PER3: variants seen among roughly 807,000 people sequenced by gnomAD.
PER3 encodes the protein period circadian regulator 3.
A neutral mutation model predicts 127.2 loss-of-function variants in PER3; 107 were observed. The ratio of observed to expected loss-of-function variants is 0.84; its 90% CI spans 0.72 to 0.99. The LOEUF is 0.99. Ranked by LOEUF, PER3 falls within the 50% of genes least tolerant of loss-of-function variation. The pLI, the probability that PER3 is intolerant of heterozygous loss-of-function variation, is 0.00. For missense variants in PER3, 1,560 were observed against 1,525.8 expected (o/e 1.02, Z -0.37); for synonymous variants, 618 against 585.8 (o/e 1.05, Z -0.79).
intron 5 of PER3, among the ~76,000 whole-genome samples, chr1:7,791,200 G>T (rs958878527): frequency 4.3e-5 from 5 of 116,570 alleles, no homozygotes; most frequent in African/African-American, 1.0e-4. Flanking sequence ...CTCCGCCCCT[G>T]TAGCAAACTT....
chr1:7,827,346 TC>T lies in PER3; in HGVS notation c.2418del (p.Val807SerfsTer50), dbSNP rs2097306581. On this transcript the variant is annotated frameshift_variant, in exon 18 of 22. Transcript: ENST00000377532. LOFTEE classifies it high-confidence loss of function. ...AAMVPSQAPY[L>X]VPAFPLPAAT... The stretch of plus-strand genomic sequence containing the variant: ...ATGGTGCCCAGCCAGGCCCCTTACC[TC>T]GTCCCAGCTTTTCCCCTCCCAGCCG... 1.2e-6 allele frequency: 2 copies of T among 1,613,870 alleles called. No homozygotes were observed. The highest frequency in any genetic ancestry group is 1.7e-6 in the Non-Finnish European group (2 of 1,179,952).
intron 4 of PER3, 43 bp downstream of exon 4, chr1:7,786,879 T>G (rs1344887911): frequency 9.2e-7 from 1 of 1,086,628 alleles, no homozygotes; most frequent in South Asian, 1.2e-5. Context: ...GGGTGACTTT[T>G]CCTAAGGGCC....
intron 8 of PER3, among the ~76,000 whole-genome samples, chr1:7,801,742 G>T (rs2097171629): frequency 6.6e-6 from 1 of 152,174 alleles, no homozygotes; most frequent in Non-Finnish European, 1.5e-5. Context: ...GTGATAGTAG[G>T]TAGTAGTTAT....
chr1:7,827,149 CGGCTGCA>C lies in PER3; in HGVS notation c.2223_2229del (p.Cys742LysfsTer113), dbSNP rs774611148. 6.2e-7 allele frequency: 1 copy of C among 1,606,012 alleles called. No homozygotes were observed. Among genetic ancestry groups the C allele is most frequent in the Non-Finnish European group, 8.5e-7 (1 of 1,176,626 alleles). On this transcript the variant is annotated frameshift_variant, in exon 18 of 22. Transcript: ENST00000377532. LOFTEE classifies it high-confidence loss of function. ...CTACTTCCAAGCAGACGCGGTCGGC[CGGCTGCA>C]GGAAAGGGAAGCACAAGCGGAAGAA...
chr1:7,805,870 T>C (rs1388080011), intron 10 of PER3, among the ~76,000 whole-genome samples: 2 of 152,222 alleles, frequency 1.3e-5, no homozygotes, highest in Non-Finnish European at 2.9e-5. Context: ...ATATAATGAA[T>C]ATTCAGAATG....
intron 5 of PER3, among the ~76,000 whole-genome samples, chr1:7,790,315 ATG>A (rs2097113344): frequency 6.6e-6 from 1 of 152,220 alleles, no homozygotes; most frequent in Admixed American, 6.5e-5. Flanking sequence ...GGAAGCAAAC[ATG>A]TCTTTCTACA....
rs1387324622 is a variant in PER3 at position 7,803,239 on chromosome 1, C to G, written c.979+86C>G. ...TCTTTTCATCTCATTAGAGCGCAAC[C>G]TTTAACCAGAGAGGCATTACATTGA... On this transcript the variant is annotated intron_variant, in intron 9 of 21. Coordinates refer to ENST00000377532, the MANE Select transcript of PER3 (RefSeq NM_001377275.1). 4.9e-6 allele frequency: 4 copies of G among 816,772 alleles called. No individual in the cohort carries two copies. In the Admixed American group the frequency reaches 7.2e-5, roughly 15 times the overall value. 50.6% of individuals were successfully genotyped at this position (816,772 alleles called of 1,614,324 possible). A position where few individuals can be genotyped will look rare whatever the true frequency, so the allele number is the denominator to read the frequency against.
rs749604872 is a variant in PER3, at chr1:7,822,633, A to G, written c.1957+1993A>G. On this transcript the variant is annotated intron_variant, in intron 16 of 21. Coordinates refer to ENST00000377532, the MANE Select transcript of PER3 (RefSeq NM_001377275.1). ...AAAATGCAAATTTAAAATAAACTCA[A>G]TCCCAAAGAAGAGCAGGAAAGGAGG... is the stretch of plus-strand genomic sequence containing the variant. Among the ~76,000 whole-genome samples the G allele has an allele frequency of 3.3e-5, 5 of 152,208 alleles. 1 individual carries two copies. The South Asian group carries it at 8.3e-4, about 25-fold the overall frequency.
chr1:7,804,096 A>G, intron 10 of PER3: 1 of 343,272 alleles, frequency 2.9e-6, no homozygotes, highest in Non-Finnish European at 5.2e-6. Flanking sequence ...ATGTATTATT[A>G]TATTGGTCAA....
At chr1:7,830,513 T>A (rs886518851) in intron 19 of PER3, among the ~76,000 whole-genome samples, 6 of 152,210 alleles carry the variant, frequency 3.9e-5, no homozygotes, top group African/African-American at 1.4e-4. Flanking sequence ...CACTTTAGTT[T>A]TGCTTTTCCT....
At chr1:7,798,169 A>T (rs2097154261) in intron 6 of PER3, among the ~76,000 whole-genome samples, 1 of 152,142 alleles carries the variant, frequency 6.6e-6, no homozygotes, top group Non-Finnish European at 1.5e-5. Flanking sequence ...CTCTTGTGAC[A>T]CCTGTTGTAG....
In PER3 at chr1:7,819,285, G is replaced by C; in HGVS notation, c.1523G>C (p.Gly508Ala). 1 of 1,612,688 alleles carries C rather than the reference G, an allele frequency of 6.2e-7. No homozygotes were observed. The highest frequency in any genetic ancestry group is 8.5e-7 in the Non-Finnish European group (1 of 1,179,066). The change falls in exon 14 of 22, where the codon GGT becomes GCT. Residue 508 changes from glycine to alanine, a missense_variant and splice_region_variant. Physicochemically the swap from Gly to Ala is moderately conservative, Grantham distance 60. Around this residue, in one of 3 missense-constraint regions of PER3, gnomAD observed 1,332 missense variants for 1,223.6 expected, o/e 1.09. Transcript: ENST00000377532. ...NGGGESANGG[G>A]ECKTFTSFHQ... Reference sequence around the variant, plus strand: ...TGCACATCCCTTTATTCTGTTTCAGGTGAATGTAAGACCTTTACTTCCTTC... The same window carrying C: ...TGCACATCCCTTTATTCTGTTTCAGCTGAATGTAAGACCTTTACTTCCTTC...
At chr1:7,836,934 A>G (rs1262620877) in intron 20 of PER3, 65 bp from the exon 21 acceptor site, 1 of 1,296,684 alleles carries the variant, frequency 7.7e-7, no homozygotes, top group Non-Finnish European at 1.1e-6. Flanking sequence ...TGCTATTCCT[A>G]GATGACGGGA....
intron 18 of PER3, among the ~76,000 whole-genome samples, chr1:7,828,411 G>T (rs913910852): frequency 6.6e-6 from 1 of 152,062 alleles, no homozygotes; most frequent in Non-Finnish European, 1.5e-5. Flanking sequence ...GCCATTCTCA[G>T]GTTTATTTAG....
intron 13 of PER3, among the ~76,000 whole-genome samples, chr1:7,815,334 A>C (rs117422155): frequency 6.6e-6 from 1 of 152,222 alleles, no homozygotes; most frequent in South Asian, 2.1e-4. Context: ...TACTATCTAC[A>C]AGAACCCATT....
At position 7,827,482 on chromosome 1, in the gene PER3, CTTGGATACT is replaced by C; in HGVS notation, c.2556_2564del (p.Leu852_Thr854del). On this transcript the variant is annotated inframe_deletion, in exon 18 of 22. Transcript: ENST00000377532. Reference sequence around the variant, plus strand: ...CTTACCCAGCTTTCCCTTTTCCTTACTTGGATACTTTTATGACCGTTTTCCTGCCTGACC... The same window carrying C: ...CTTACCCAGCTTTCCCTTTTCCTTACTTTATGACCGTTTTCCTGCCTGACC... 1 of 1,614,222 alleles carries C rather than the reference CTTGGATACT, an allele frequency of 6.2e-7. No homozygotes were observed. Among genetic ancestry groups the C allele is most frequent in the Non-Finnish European group, 8.5e-7 (1 of 1,180,040 alleles).
In PER3 at chr1:7,820,461, C is replaced by T. The variant is rs1434765823; in HGVS notation, c.1784-6C>T. On this transcript the variant is annotated splice_polypyrimidine_tract_variant and splice_region_variant and intron_variant, in intron 15 of 21. Transcript: ENST00000377532. ...TTTTCACTGTCAGTTTCTCTTACAC[C>T]ACCAGCTGGTTTGCAAATCCCAGCC... 3.4e-5 allele frequency: 55 copies of T among 1,606,302 alleles called. No homozygotes were observed. Among genetic ancestry groups the T allele is most frequent in the South Asian group, 6.7e-5 (6 of 89,536 alleles).
At chr1:7,817,729 A>G (rs868439514) in intron 13 of PER3, among the ~76,000 whole-genome samples, 1 of 152,210 alleles carries the variant, frequency 6.6e-6, no homozygotes, top group African/African-American at 2.4e-5. Flanking sequence ...TTAGTATATT[A>G]TACCAAATAA....
At position 7,820,597 on chromosome 1, in the gene PER3, C is replaced by T. The variant is rs113092411; in HGVS notation, c.1914C>T (p.Cys638=). 40 of 1,614,068 alleles carry T rather than the reference C, an allele frequency of 2.5e-5. No individual in the cohort carries two copies. Among genetic ancestry groups the T allele is most frequent in the African/African-American group, 9.3e-5 (7 of 75,032 alleles). ...GCTTGGGGTCGGGCATAAGCCAATG[C>T]GGTTACAGCAGCACCATTGTCCATG... ...MLSLGSGISQ[C]GYSSTIVHVP... is the part of the protein sequence containing the mutation. Residue 638 remains cysteine (C), a synonymous_variant, in exon 16 of 22, where the codon TGC becomes TGT. Transcript: ENST00000377532.
Sources: gnomAD v4.1 joint callset for allele counts (sites outside exome capture counted in the v4.1 genomes callset) on GRCh38, gnomAD v4.1.1 for gene constraint, gnomAD v4.1.1 regional missense constraint, MANE v1.5 for transcripts, NCBI Gene and HGNC (gene_info 2026-07-23, HGNC 2026-07-21) for gene names.